LRP1B: variants seen among roughly 807,000 people sequenced by gnomAD.
LRP1B encodes LDL receptor related protein 1B, also known as low-density lipoprotein receptor-related protein 1B.
LRP1B carries 217 observed loss-of-function variants against 556.6 expected under a neutral mutation model. The observed-to-expected ratio is 0.39, with a 90% CI of 0.35 to 0.44. The LOEUF (loss-of-function observed/expected upper bound fraction) is 0.44, where lower values mean the gene tolerates loss of function less well. Ranked by LOEUF, LRP1B falls within the 20% of genes least tolerant of loss-of-function variation. The probability of loss-of-function intolerance (pLI) is 1.00; values close to 1 mark genes in which losing one functional copy is unlikely to be tolerated. For synonymous variants in LRP1B, 2,047 were observed against 1,865.8 expected (o/e 1.10, Z -2.50); for missense variants, 5,053 against 5,620.8 (o/e 0.90, Z 3.23).
chr2:141,831,711 G>A (rs757310568), intron 1 of LRP1B, among the ~76,000 whole-genome samples: 10 of 151,514 alleles, frequency 6.6e-5, no homozygotes, highest in Admixed American at 2.0e-4. Flanking sequence ...TATAAAATAG[G>A]AATAGCATGC....
chr2:140,474,810 C>T lies in LRP1B; in HGVS notation c.9625+328G>A, dbSNP rs1018470565. ...AATCCTAGCAGTTTGCAGTAATAGC[C>T]TCATATTTACAAGCAAATAACCTTC... On this transcript the variant is annotated intron_variant, in intron 60 of 90. Transcript: ENST00000389484. Among the ~76,000 whole-genome samples, 21 of 151,738 alleles carry T rather than the reference C, an allele frequency of 1.4e-4. 1 individual carries two copies. The highest frequency in any genetic ancestry group is 5.1e-4 in the African/African-American group (21 of 41,362).
intron 35 of LRP1B, among the ~76,000 whole-genome samples, chr2:140,748,351 T>C (rs1203755800): frequency 8.0e-6 from 1 of 124,856 alleles, no homozygotes; most frequent in Admixed American, 9.6e-5. Flanking sequence ...ATTATATTCA[T>C]ATATAATATA....
At chr2:141,646,952 A>G (rs1413236640) in intron 2 of LRP1B, among the ~76,000 whole-genome samples, 1 of 152,126 alleles carries the variant, frequency 6.6e-6, no homozygotes, top group African/African-American at 2.4e-5. Context: ...GAGAAGAGCA[A>G]TGAGGATTCT....
rs139116605 is a variant in LRP1B at position 141,025,877 on chromosome 2, C to T, written c.1790-5775G>A. The stretch of plus-strand genomic sequence containing the variant: ...GTCATTCTTCACATTCATCCTTTTC[C>T]GATAAAACACTGAAAAGTATATATT... On this transcript the variant is annotated intron_variant, in intron 11 of 90. Transcript: ENST00000389484. 2.0e-3 allele frequency among the ~76,000 whole-genome samples: 300 copies of T among 151,978 alleles called. 2 individuals are homozygous for T. Among genetic ancestry groups the T allele is most frequent in the African/African-American group, 6.9e-3 (287 of 41,460 alleles).
At chr2:141,115,394 C>T (rs1558870592) in intron 7 of LRP1B, among the ~76,000 whole-genome samples, 1 of 151,782 alleles carries the variant, frequency 6.6e-6, no homozygotes, top group Non-Finnish European at 1.5e-5. Context: ...CAGGCTCATC[C>T]CATTCCAAGA....
chr2:140,349,855 C>A (rs1471333547), intron 77 of LRP1B, among the ~76,000 whole-genome samples: 1 of 152,064 alleles, frequency 6.6e-6, no homozygotes, highest in Non-Finnish European at 1.5e-5. Flanking sequence ...AATCTAAATC[C>A]GAATTTGAAA....
At chr2:140,827,982 G>GA (rs57219641) in intron 31 of LRP1B, among the ~76,000 whole-genome samples, 114,305 of 151,706 alleles carry the variant, frequency 0.75, 44,231 homozygotes, top group Non-Finnish European at 0.85. Flanking sequence ...ATTACTGAAA[G>GA]AAAAAAGCTG....
At chr2:140,513,485 T>C (rs1274132256) in intron 51 of LRP1B, among the ~76,000 whole-genome samples, 1 of 105,618 alleles carries the variant, frequency 9.5e-6, no homozygotes, top group Admixed American at 1.1e-4. Flanking sequence ...AGTCATCTAA[T>C]TGATTACTGA....
At chr2:140,739,707 C>T (rs553034620) in intron 35 of LRP1B, among the ~76,000 whole-genome samples, 33 of 151,992 alleles carry the variant, frequency 2.2e-4, no homozygotes, top group East Asian at 1.2e-3. Context: ...TAAAAAATAC[C>T]GCTGATTGGA....
intron 6 of LRP1B, among the ~76,000 whole-genome samples, chr2:141,228,943 G>T (rs1683357714): frequency 6.6e-6 from 1 of 151,894 alleles, no homozygotes; most frequent in Non-Finnish European, 1.5e-5. Context: ...ACTGTAAAAA[G>T]CCTTAAAGAA....
At chr2:140,869,851 A>G (rs1693070254) in intron 25 of LRP1B, among the ~76,000 whole-genome samples, 1 of 152,090 alleles carries the variant, frequency 6.6e-6, no homozygotes, top group African/African-American at 2.4e-5. Context: ...TTTAACGTTG[A>G]TGGGTGTAGA....
intron 2 of LRP1B, among the ~76,000 whole-genome samples, chr2:141,775,380 A>G (rs138787897): frequency 4.6e-5 from 7 of 152,268 alleles, no homozygotes; most frequent in African/African-American, 1.7e-4. Context: ...CCTTATTTTC[A>G]TATATATGTG....
At chr2:141,099,958 A>G (rs900774023) in intron 7 of LRP1B, among the ~76,000 whole-genome samples, 2 of 152,128 alleles carry the variant, frequency 1.3e-5, no homozygotes, top group African/African-American at 4.8e-5. Flanking sequence ...CTATTATTCT[A>G]TTTTACCAAC....
In LRP1B at chr2:141,520,987, G is replaced by A. The variant is rs75635703; in HGVS notation, c.206-40454C>T. Among the ~76,000 whole-genome samples the A allele has an allele frequency of 5.1e-3, 780 of 152,096 alleles. 7 individuals carry two copies. The highest frequency in any genetic ancestry group is 0.018 in the African/African-American group (740 of 41,524). On this transcript the variant is annotated intron_variant, in intron 2 of 90. Coordinates refer to ENST00000389484, the MANE Select transcript of LRP1B (RefSeq NM_018557.3). The stretch of plus-strand genomic sequence containing the variant: ...TAGAAGAAGGAGGGGTACTTAAAGT[G>A]CTAAAACTTAAGCGAACAATTCATG...
At chr2:141,774,988 G>GA (rs1271414127) in intron 2 of LRP1B, among the ~76,000 whole-genome samples, 6 of 152,028 alleles carry the variant, frequency 3.9e-5, no homozygotes, top group South Asian at 2.1e-4. Flanking sequence ...GATTCTAATG[G>GA]AAAAAAAGTG....
At chr2:141,384,188 C>T (rs1689746121) in intron 3 of LRP1B, among the ~76,000 whole-genome samples, 1 of 151,654 alleles carries the variant, frequency 6.6e-6, no homozygotes, top group South Asian at 2.1e-4. Context: ...ATGGAAAACA[C>T]ATTGCAATTT....
At chr2:141,018,336 A>C (rs1455264689) in intron 12 of LRP1B, among the ~76,000 whole-genome samples, 1 of 152,094 alleles carries the variant, frequency 6.6e-6, no homozygotes, top group Non-Finnish European at 1.5e-5. Context: ...TATGTATTGC[A>C]CTTATTCCTT....
chr2:141,417,360 T>G (rs1679937051), intron 3 of LRP1B, among the ~76,000 whole-genome samples: 1 of 152,190 alleles, frequency 6.6e-6, no homozygotes, highest in South Asian at 2.1e-4. Context: ...ATTATTTCTG[T>G]ATCCACTCAA....
intron 2 of LRP1B, among the ~76,000 whole-genome samples, chr2:141,791,366 G>C (rs1233512761): frequency 6.6e-6 from 1 of 151,854 alleles, no homozygotes. Flanking sequence ...TATTTATATG[G>C]ATTGAGCTAT....
Sources: gnomAD v4.1 joint callset for allele counts (sites outside exome capture counted in the v4.1 genomes callset) on GRCh38, gnomAD v4.1.1 for gene constraint, MANE v1.5 for transcripts, NCBI Gene and HGNC (gene_info 2026-07-23, HGNC 2026-07-21) for gene names.